Variants in ATP8A2 observed in about 807,000 individuals in gnomAD.
ATP8A2 encodes the protein ATPase phospholipid transporting 8A2.
A neutral mutation model predicts 165.6 loss-of-function variants in ATP8A2; 100 were observed. The ratio of observed to expected loss-of-function variants is 0.60; its 90% CI spans 0.51 to 0.71. ATP8A2 has a LOEUF of 0.71. Ranked by LOEUF, ATP8A2 falls within the 30% of genes least tolerant of loss-of-function variation. ATP8A2 has a pLI of 0.00. For missense variants in ATP8A2, 1,227 were observed against 1,479.5 expected (o/e 0.83, Z 2.80); for synonymous variants, 543 against 548.8 (o/e 0.99, Z 0.15).
intron 24 of ATP8A2, among the ~76,000 whole-genome samples, chr13:25,669,858 C>T (rs540492997): frequency 3.3e-5 from 5 of 152,148 alleles, no homozygotes; most frequent in Non-Finnish European, 5.9e-5. Context: ...AGGAATGAAA[C>T]AAGTACCAGC....
chr13:25,420,149 T>G (rs746780619), intron 1 of ATP8A2, among the ~76,000 whole-genome samples: 51 of 152,256 alleles, frequency 3.3e-4, no homozygotes, highest in Non-Finnish European at 6.6e-4. Flanking sequence ...GATTTCATTT[T>G]GAAAGATAGG....
intron 29 of ATP8A2, among the ~76,000 whole-genome samples, chr13:25,838,750 A>G (rs1195449887): frequency 6.6e-6 from 1 of 152,168 alleles, no homozygotes; most frequent in Admixed American, 6.5e-5. Context: ...ATCTGGCTTT[A>G]ATAGTTAATA....
At chr13:25,832,627 G>A (rs541707734) in intron 28 of ATP8A2, among the ~76,000 whole-genome samples, 6 of 152,220 alleles carry the variant, frequency 3.9e-5, no homozygotes, top group South Asian at 4.1e-4. Context: ...CTACAAAAAC[G>A]TTTGAAGCAA....
At chr13:25,494,145 G>T (rs1391283206) in intron 2 of ATP8A2, among the ~76,000 whole-genome samples, 1 of 152,024 alleles carries the variant, frequency 6.6e-6, no homozygotes, top group African/African-American at 2.4e-5. Flanking sequence ...GCTGTCCAAG[G>T]TCTGTGGCAC....
chr13:25,504,961 A>AT (rs1454149752), intron 2 of ATP8A2, among the ~76,000 whole-genome samples: 5 of 151,970 alleles, frequency 3.3e-5, no homozygotes, highest in Admixed American at 6.6e-5. Context: ...TCAGAATTGT[A>AT]TTTTTTTAGT....
rs367819378 is a variant in ATP8A2, at chr13:25,837,268, G to A, written c.2860G>A (p.Glu954Lys). 15 of 1,613,982 alleles carry A rather than the reference G, an allele frequency of 9.3e-6. No individual in the cohort carries two copies. Among genetic ancestry groups the A allele is most frequent in the African/African-American group, 2.7e-5 (2 of 74,918 alleles). The change falls in exon 29 of 37, where the codon GAA (glutamate) becomes AAA (lysine). Residue 954 changes from glutamate (E) to lysine (K), a missense_variant. Physicochemically the swap from Glu to Lys is moderately conservative, Grantham distance 56. This residue lies in a region of ATP8A2 where 592 missense variants were observed against 785.6 expected (regional missense o/e 0.75). Coordinates refer to ENST00000381655, the MANE Select transcript of ATP8A2 (RefSeq NM_016529.6). The part of the protein sequence containing the change: ...PQLYKITQNG[E>K]GFNTKVFWGH... ...GCTCTACAAAATCACCCAGAATGGC[G>A]AAGGCTTCAACACAAAGGTAAACAG...
At chr13:25,651,217 G>T (rs899104339) in intron 24 of ATP8A2, among the ~76,000 whole-genome samples, 5 of 152,040 alleles carry the variant, frequency 3.3e-5, no homozygotes, top group Non-Finnish European at 7.4e-5. Flanking sequence ...GGCCAAGATG[G>T]GTGGATCATG....
At chr13:25,903,344 G>A (rs1953823696) in intron 33 of ATP8A2, among the ~76,000 whole-genome samples, 2 of 151,980 alleles carry the variant, frequency 1.3e-5, no homozygotes, top group Non-Finnish European at 2.9e-5. Flanking sequence ...GACCCTGCTA[G>A]GTCTGACTGC....
At position 25,492,060 on chromosome 13, in the gene ATP8A2, A is replaced by AT. The variant is rs546850003; in HGVS notation, c.221+22947dup. Reference sequence around the variant, plus strand: ...TACTGGCATGATTAGATGCAGTTTTATTTTTTTTGTTTTTGAGACGGAGTC... The same window carrying AT: ...TACTGGCATGATTAGATGCAGTTTTATTTTTTTTTGTTTTTGAGACGGAGTC... On this transcript the variant is annotated intron_variant, in intron 2 of 36. Coordinates refer to ENST00000381655, the MANE Select transcript of ATP8A2 (RefSeq NM_016529.6). Among the ~76,000 whole-genome samples, 102 of 151,952 alleles carry AT rather than the reference A, an allele frequency of 6.7e-4. 1 individual carries two copies. The South Asian group carries it at 0.019, about 28-fold the overall frequency.
At position 25,681,284 on chromosome 13, in the gene ATP8A2, T is replaced by C. The variant is rs371568816; in HGVS notation, c.2212-17889T>C. On this transcript the variant is annotated intron_variant, in intron 24 of 36. Coordinates refer to ENST00000381655, the MANE Select transcript of ATP8A2 (RefSeq NM_016529.6). Reference sequence around the variant, plus strand: ...GTTTGGATATGATGAAAATGAATGTTTTTAATTTGTTAGCCTGGAGCTTCT... The same window carrying C: ...GTTTGGATATGATGAAAATGAATGTCTTTAATTTGTTAGCCTGGAGCTTCT... Among the ~76,000 whole-genome samples, 14 of 152,304 alleles carry C rather than the reference T, an allele frequency of 9.2e-5. No individual in the cohort carries two copies. In the South Asian group the frequency reaches 2.9e-3, roughly 32 times the overall value.
intron 24 of ATP8A2, among the ~76,000 whole-genome samples, chr13:25,647,484 G>A (rs2041702683): frequency 6.6e-6 from 1 of 152,014 alleles, no homozygotes; most frequent in African/African-American, 2.4e-5. Context: ...GGACCCCTTT[G>A]TATGTAATGT....
intron 33 of ATP8A2, among the ~76,000 whole-genome samples, chr13:25,908,427 G>A (rs1473861613): frequency 6.6e-6 from 1 of 152,218 alleles, no homozygotes; most frequent in African/African-American, 2.4e-5. Flanking sequence ...TTTCATCTTT[G>A]CAACGTCTTG....
chr13:25,827,690 C>T (rs1951355702), intron 27 of ATP8A2, among the ~76,000 whole-genome samples: 1 of 152,192 alleles, frequency 6.6e-6, no homozygotes, highest in African/African-American at 2.4e-5. Flanking sequence ...ACACACAGAA[C>T]AGAGGACTTT....
At chr13:25,935,753 C>T (rs1201201081) in intron 33 of ATP8A2, among the ~76,000 whole-genome samples, 2 of 152,192 alleles carry the variant, frequency 1.3e-5, no homozygotes, top group African/African-American at 2.4e-5. Context: ...CCAAACACCT[C>T]CCATGAGACC....
intron 2 of ATP8A2, among the ~76,000 whole-genome samples, chr13:25,506,940 C>CATATATATAT (rs59774160): frequency 0.082 from 10,550 of 128,388 alleles, 620 homozygotes; most frequent in Non-Finnish European, 0.11. Flanking sequence ...CAGTACAGTA[C>CATATATATAT]ATATATATAT....
chr13:25,501,153 T>C (rs2036842838), intron 2 of ATP8A2, among the ~76,000 whole-genome samples: 1 of 152,178 alleles, frequency 6.6e-6, no homozygotes, highest in Non-Finnish European at 1.5e-5. Context: ...GTACCTGGGA[T>C]TCGTTTTAAT....
At chr13:25,724,897 C>T (rs2043460245) in intron 25 of ATP8A2, among the ~76,000 whole-genome samples, 1 of 152,114 alleles carries the variant, frequency 6.6e-6, no homozygotes, top group South Asian at 2.1e-4. Context: ...GAAACCATTG[C>T]CTCTTCCGGT....
chr13:25,540,290 A>C, intron 7 of ATP8A2, 29 bp from the exon 8 acceptor site: 2 of 1,565,922 alleles, frequency 1.3e-6, no homozygotes, highest in Non-Finnish European at 1.8e-6. Flanking sequence ...GACCTTATGA[A>C]ACTTGGCTCT....
At chr13:25,427,786 T>C (rs2034492716) in intron 1 of ATP8A2, among the ~76,000 whole-genome samples, 1 of 151,814 alleles carries the variant, frequency 6.6e-6, no homozygotes, top group South Asian at 2.1e-4. Flanking sequence ...CCCAGCTACT[T>C]GGGAGACTGA....
Sources: allele counts gnomAD v4.1 joint callset (sites outside exome capture counted in the v4.1 genomes callset), GRCh38; gene constraint gnomAD v4.1.1; regional missense constraint gnomAD v4.1.1; transcripts MANE v1.5; gene names NCBI Gene and HGNC (gene_info 2026-07-23, HGNC 2026-07-21).